The following SLC12A3 variants were observed in gnomAD, a reference collection of about 807,000 sequenced individuals.
SLC12A3 encodes the protein solute carrier family 12 member 3.
SLC12A3 carries 104 observed loss-of-function variants against 121.0 expected under a neutral mutation model. That is an observed-to-expected ratio of 0.86 (90% CI 0.73 to 1.01). The LOEUF is 1.01. SLC12A3 is among the 50% of genes least tolerant of loss of function. The pLI is 0.00. For missense variants in SLC12A3, 1,328 were observed against 1,356.3 expected (o/e 0.98, Z 0.33); for synonymous variants, 536 against 533.4 (o/e 1.00, Z -0.07).
rs1312647566 is a variant in SLC12A3, at chr16:56,902,472, G to T, written c.2820G>T (p.Lys940Asn). ...VNEMRRDCPW[K>N]ISDEEITKNR... ...AGATGCGGCGGGACTGCCCCTGGAA[G>T]ATCTCAGATGAGGAGATTACGAAGA... The change falls in exon 24 of 26, where the codon AAG (lysine) becomes AAT (asparagine). Residue 940 changes from lysine (K) to asparagine (N), a missense_variant. Coordinates refer to ENST00000563236, the MANE Select transcript of SLC12A3 (RefSeq NM_001126108.2). The T allele has an allele frequency of 6.9e-7, 1 of 1,448,436 alleles. No individual in the cohort carries two copies. The allele number at this position is 1,448,436 out of a possible 1,614,324, so 89.7% of individuals were successfully genotyped here.
Position 56,870,215 on chromosome 16 carries a change from A to C in SLC12A3, c.721A>C (p.Thr241Pro). ...CATGCACACGGTGGGCTTTGCAGAG[A>C]CCGTGCGGGACCTGCTCCAGGTGAG... ...VAMHTVGFAETVRDLLQEYGA... is the reference protein window; with the variant it reads ...VAMHTVGFAEPVRDLLQEYGA... Residue 241 changes from threonine (T) to proline (P), a missense_variant, in exon 5 of 26, where the codon ACC (threonine) becomes CCC (proline). Thr to Pro is a conservative substitution (Grantham distance 38). Transcript: ENST00000563236. 1 of 1,613,574 alleles carries C rather than the reference A, an allele frequency of 6.2e-7. No homozygotes were observed. Among genetic ancestry groups the C allele is most frequent in the Non-Finnish European group, 8.5e-7 (1 of 1,180,000 alleles).
chr16:56,877,222 T>G (rs556984790), intron 8 of SLC12A3, among the ~76,000 whole-genome samples: 2 of 151,988 alleles, frequency 1.3e-5, no homozygotes, highest in African/African-American at 2.4e-5. Flanking sequence ...TGAAACCCCG[T>G]CTCTACTAAA....
chr16:56,868,629 C>T (rs1244464087), intron 3 of SLC12A3, among the ~76,000 whole-genome samples: 1 of 152,210 alleles, frequency 6.6e-6, no homozygotes. Context: ...GCCACTTAAC[C>T]TCTCAGAGCC....
intron 1 of SLC12A3, 37 bp from the exon 2 acceptor site, chr16:56,867,033 C>G (rs1964371070): frequency 6.2e-7 from 1 of 1,606,092 alleles, no homozygotes; most frequent in Admixed American, 1.7e-5. Flanking sequence ...GTCCCTAGCA[C>G]CCCTACCTGC....
In SLC12A3 at chr16:56,892,105, G is replaced by A. The variant is rs753717249; in HGVS notation, c.2391G>A (p.Ala797=). 17 of 1,613,702 alleles carry A rather than the reference G, an allele frequency of 1.1e-5. No individual in the cohort carries two copies. The highest frequency in any genetic ancestry group is 5.0e-5 in the Admixed American group (3 of 60,012). The change falls in exon 20 of 26, where the codon GCG becomes GCA. Residue 797 remains alanine (A), a synonymous_variant. Coordinates refer to ENST00000563236, the MANE Select transcript of SLC12A3 (RefSeq NM_001126108.2). The stretch of plus-strand genomic sequence containing the variant: ...CAGTTAACCCCGTGTTTGACCCAGC[G>A]GAGGACGGGAAGGAAGCCAGCGCCA... ...QAHINPVFDP[A]EDGKEASARV... is the part of the protein sequence containing the mutation.
chr16:56,866,546 A>G (rs1408582552), intron 1 of SLC12A3, among the ~76,000 whole-genome samples: 1 of 152,164 alleles, frequency 6.6e-6, no homozygotes, highest in East Asian at 1.9e-4. Context: ...CCAGGGTGAT[A>G]ATAATCCTGT....
At chr16:56,878,199 C>T (rs1293995289) in intron 9 of SLC12A3, 38 bp downstream of exon 9, 1 of 1,478,444 alleles carries the variant, frequency 6.8e-7, no homozygotes, top group African/African-American at 1.4e-5. Flanking sequence ...GGGGGAGGGA[C>T]CTGGCCTCCA....
intron 9 of SLC12A3, 94 bp downstream of exon 9, chr16:56,878,255 T>C: frequency 1.0e-6 from 1 of 987,416 alleles, no homozygotes; most frequent in South Asian, 1.3e-5. Flanking sequence ...GATCAGAGGG[T>C]GGGGTTCGAC....
At chr16:56,893,529 G>T (rs16963397) in intron 21 of SLC12A3, among the ~76,000 whole-genome samples, 1 of 152,020 alleles carries the variant, frequency 6.6e-6, no homozygotes, top group Non-Finnish European at 1.5e-5. Context: ...TTACTACCTG[G>T]CTGACAGGGA....
At chr16:56,880,967 A>G (rs1281834581) in intron 12 of SLC12A3, among the ~76,000 whole-genome samples, 2 of 152,238 alleles carry the variant, frequency 1.3e-5, no homozygotes, top group Non-Finnish European at 2.9e-5. Flanking sequence ...ATATATGCAC[A>G]CACACTCATA....
At chr16:56,881,624 G>A (rs1378194375) in intron 12 of SLC12A3, among the ~76,000 whole-genome samples, 5 of 152,144 alleles carry the variant, frequency 3.3e-5, no homozygotes, top group Non-Finnish European at 7.4e-5. Context: ...TTTATCTGGG[G>A]TGCTGGGGGC....
chr16:56,871,711 C>CTTTA lies in SLC12A3; in HGVS notation c.853-616_853-613dup, dbSNP rs111753122. ...CCCAGTCCCCATCACACTCCCTCTT[C>CTTTA]TTTATTTATTTATTTATTTATTTAT... On this transcript the variant is annotated intron_variant, in intron 6 of 25. Transcript: ENST00000563236. 5.7e-3 allele frequency among the ~76,000 whole-genome samples: 861 copies of CTTTA among 152,102 alleles called. 4 individuals are homozygous for CTTTA. Among genetic ancestry groups the CTTTA allele is most frequent in the African/African-American group, 7.6e-3 (317 of 41,530 alleles).
At chr16:56,888,181 A>T in intron 18 of SLC12A3, 150 bp downstream of exon 18, 1 of 625,060 alleles carries the variant, frequency 1.6e-6, no homozygotes, top group South Asian at 1.8e-5. Flanking sequence ...TGGGAGGCTG[A>T]GGCAGGAAGC....
intron 16 of SLC12A3, 100 bp downstream of exon 16, chr16:56,886,575 A>G (rs1233095124): frequency 1.8e-6 from 2 of 1,098,294 alleles, no homozygotes; most frequent in Non-Finnish European, 2.7e-6. Flanking sequence ...ACCCGAGGTC[A>G]GGAGTTTGAG....
chr16:56,867,272 C>T (rs912204551), intron 2 of SLC12A3, 56 bp downstream of exon 2: 18 of 1,540,908 alleles, frequency 1.2e-5, no homozygotes, highest in African/African-American at 5.4e-5. Context: ...GGTGGCAGAG[C>T]TCCATCCAGG....
Position 56,913,623 on chromosome 16 carries a change from A to T in SLC12A3, c.*218A>T. 3.3e-6 allele frequency: 2 copies of T among 600,734 alleles called. No individual in the cohort carries two copies. Among genetic ancestry groups the T allele is most frequent in the Non-Finnish European group, 6.0e-6 (2 of 335,486 alleles). 37.2% of individuals were successfully genotyped at this position (600,734 alleles called of 1,614,324 possible). On this transcript the variant is annotated 3_prime_UTR_variant, in exon 26 of 26. Transcript: ENST00000563236. ...TCTTGTGTTTATAGGCTAGAGAAAT[A>T]GCAGATGGAGCTGCAAGGAAAACTC...
chr16:56,909,860 G>A (rs2055662339), intron 25 of SLC12A3, among the ~76,000 whole-genome samples: 1 of 152,114 alleles, frequency 6.6e-6, no homozygotes, highest in South Asian at 2.1e-4. Flanking sequence ...ATCTGGGAGA[G>A]CGTGCTTGGA....
chr16:56,879,526 C>T lies in SLC12A3; in HGVS notation c.1336-16C>T. On this transcript the variant is annotated splice_polypyrimidine_tract_variant and intron_variant, in intron 10 of 25. Transcript: ENST00000563236. ...CAGCCCCCACCGTGGAGTCCCTGAG[C>T]CCCAAATCCCCACAGACCATGAGCA... 4 of 1,605,512 alleles carry T rather than the reference C, an allele frequency of 2.5e-6. No individual in the cohort carries two copies. Among genetic ancestry groups the T allele is most frequent in the Non-Finnish European group, 3.4e-6 (4 of 1,172,758 alleles).
chr16:56,893,114 C>T (rs764330327), intron 21 of SLC12A3, 60 bp downstream of exon 21: 32 of 1,297,182 alleles, frequency 2.5e-5, no homozygotes, highest in Non-Finnish European at 3.3e-5. Flanking sequence ...TGGTGGTCTT[C>T]CTTCCTTCTC....
Sources: gnomAD v4.1 joint callset for allele counts (sites outside exome capture counted in the v4.1 genomes callset) on GRCh38, gnomAD v4.1.1 for gene constraint, MANE v1.5 for transcripts, NCBI Gene and HGNC (gene_info 2026-07-23, HGNC 2026-07-21) for gene names.